The following TCF12 variants were observed in gnomAD, a reference collection of about 807,000 sequenced individuals.
TCF12 encodes transcription factor 12.
TCF12 carries 45 observed loss-of-function variants against 86.0 expected under a neutral mutation model. The observed-to-expected ratio is 0.52, with a 90% CI of 0.41 to 0.67. The LOEUF (loss-of-function observed/expected upper bound fraction) is 0.67. Among genes scored for constraint, TCF12 ranks in the 30% least tolerant of loss-of-function variants. TCF12 has a pLI of 0.00. For synonymous variants in TCF12, 330 were observed against 299.6 expected, an observed-to-expected ratio of 1.10 and a Z score of -1.05; for missense variants, 881 against 859.9, an observed-to-expected ratio of 1.02 and a Z score of -0.31.
At chr15:57,147,818 G>A (rs1470140134) in intron 5 of TCF12, among the ~76,000 whole-genome samples, 2 of 151,368 alleles carry the variant, frequency 1.3e-5, no homozygotes, top group Non-Finnish European at 2.9e-5. Context: ...GGGAAATTGT[G>A]AGTTATAATG....
intron 8 of TCF12, among the ~76,000 whole-genome samples, chr15:57,199,959 A>G (rs1207919186): frequency 1.3e-5 from 2 of 151,812 alleles, no homozygotes; most frequent in African/African-American, 4.8e-5. Context: ...ACTGCAAACT[A>G]CAGCCTTAAC....
intron 8 of TCF12, among the ~76,000 whole-genome samples, chr15:57,202,238 T>A (rs2057578340): frequency 6.6e-6 from 1 of 152,198 alleles, no homozygotes; most frequent in African/African-American, 2.4e-5. Context: ...AGTGTTAAAA[T>A]CTGATTCTTT....
Position 57,282,598 on chromosome 15 carries a change from G to C in TCF12, c.*11G>C, listed in dbSNP as rs1394838723. On this transcript the variant is annotated splice_region_variant and 3_prime_UTR_variant, in exon 20 of 21. Coordinates refer to ENST00000333725, the MANE Select transcript of TCF12 (RefSeq NM_207037.2). ...ATGGGTCATATGTAAACATCAGCCA[G>C]GTAAGTACGGGTTTGAAAAGAAACA... 18 of 1,608,596 alleles carry C rather than the reference G, an allele frequency of 1.1e-5. No homozygotes were observed. Among genetic ancestry groups the C allele is most frequent in the Non-Finnish European group, 1.4e-5 (17 of 1,178,574 alleles).
chr15:56,958,130 G>A (rs2061576943), intron 3 of TCF12, among the ~76,000 whole-genome samples: 1 of 152,142 alleles, frequency 6.6e-6, no homozygotes, highest in Admixed American at 6.5e-5. Context: ...TACTCAAGTT[G>A]AACTTTTTGC....
chr15:57,263,521 A>G (rs1237823166), intron 18 of TCF12, among the ~76,000 whole-genome samples: 2 of 152,250 alleles, frequency 1.3e-5, no homozygotes, highest in Admixed American at 6.5e-5. Context: ...AAATATAATT[A>G]TATCTCTTCA....
chr15:57,000,603 T>C (rs146689182), intron 3 of TCF12, among the ~76,000 whole-genome samples: 1,664 of 152,238 alleles, frequency 0.011, 31 homozygotes, highest in African/African-American at 0.037. Flanking sequence ...TTAAATCCAG[T>C]ATAAGCAAAA....
At chr15:57,141,686 C>T (rs575675419) in intron 5 of TCF12, among the ~76,000 whole-genome samples, 1 of 152,308 alleles carries the variant, frequency 6.6e-6, no homozygotes, top group African/African-American at 2.4e-5. Context: ...ACAGTTATTT[C>T]ACTGGAAACA....
chr15:57,118,781 T>A (rs116766522), intron 5 of TCF12, among the ~76,000 whole-genome samples: 46 of 152,350 alleles, frequency 3.0e-4, no homozygotes, highest in African/African-American at 1.1e-3. Context: ...TCTAAGTGTC[T>A]TTAGAGTTAG....
chr15:57,205,045 G>C (rs903195835), intron 8 of TCF12, among the ~76,000 whole-genome samples: 97 of 152,152 alleles, frequency 6.4e-4, no homozygotes, highest in African/African-American at 2.3e-3. Context: ...AGGCGCAGTG[G>C]CTCTCACCTA....
intron 5 of TCF12, among the ~76,000 whole-genome samples, chr15:57,125,857 A>G (rs1337494436): frequency 1.3e-5 from 2 of 152,258 alleles, no homozygotes; most frequent in Non-Finnish European, 2.9e-5. Context: ...GTAGAAAGAT[A>G]TTAAATCAAC....
At chr15:57,237,865 T>C (rs866104718) in intron 12 of TCF12, among the ~76,000 whole-genome samples, 17 of 152,198 alleles carry the variant, frequency 1.1e-4, no homozygotes, top group Admixed American at 9.8e-4. Flanking sequence ...AGATAAAGCT[T>C]AGTGAAATGA....
intron 3 of TCF12, among the ~76,000 whole-genome samples, chr15:57,023,435 TTGA>T (rs1280668509): frequency 3.3e-5 from 5 of 152,102 alleles, no homozygotes; most frequent in Admixed American, 3.3e-4. Context: ...AATACACCAA[TTGA>T]TGATCACAAC....
intron 8 of TCF12, among the ~76,000 whole-genome samples, chr15:57,227,189 A>G (rs1271491988): frequency 6.6e-6 from 1 of 152,168 alleles, no homozygotes; most frequent in African/African-American, 2.4e-5. Context: ...GTGACTAGAT[A>G]AAAAGAAAAA....
intron 3 of TCF12, among the ~76,000 whole-genome samples, chr15:57,000,572 A>C (rs1422585661): frequency 6.6e-6 from 1 of 152,168 alleles, no homozygotes; most frequent in African/African-American, 2.4e-5. Context: ...CTTCCACCTT[A>C]GGAAGCTAAT....
intron 3 of TCF12, among the ~76,000 whole-genome samples, chr15:56,981,063 G>A (rs1425924734): frequency 6.6e-6 from 1 of 152,172 alleles, no homozygotes; most frequent in African/African-American, 2.4e-5. Context: ...GACTAATGAT[G>A]ATTTATCTAA....
chr15:56,957,387 A>G (rs2061545414), intron 3 of TCF12, among the ~76,000 whole-genome samples: 1 of 152,184 alleles, frequency 6.6e-6, no homozygotes, highest in Non-Finnish European at 1.5e-5. Flanking sequence ...GTTTTGCCAC[A>G]GCTCACTTCA....
At chr15:57,044,397 TA>T (rs200022094) in intron 3 of TCF12, among the ~76,000 whole-genome samples, 2 of 150,702 alleles carry the variant, frequency 1.3e-5, no homozygotes, top group Admixed American at 6.6e-5. Context: ...CCCCGTCTCT[TA>T]AAAAAAAAAT....
intron 3 of TCF12, among the ~76,000 whole-genome samples, chr15:57,006,535 G>A (rs918178088): frequency 6.6e-6 from 1 of 152,116 alleles, no homozygotes; most frequent in African/African-American, 2.4e-5. Flanking sequence ...GCTCACGCCT[G>A]TAATCCCAGC....
intron 8 of TCF12, among the ~76,000 whole-genome samples, chr15:57,205,630 T>C (rs2057773616): frequency 6.6e-6 from 1 of 152,236 alleles, no homozygotes; most frequent in Non-Finnish European, 1.5e-5. Flanking sequence ...AGAAAAATCT[T>C]TGTATGTAAA....
Sources: gnomAD v4.1 joint callset for allele counts (sites outside exome capture counted in the v4.1 genomes callset) on GRCh38, gnomAD v4.1.1 for gene constraint, MANE v1.5 for transcripts, NCBI Gene and HGNC (gene_info 2026-07-23, HGNC 2026-07-21) for gene names.